The following LSM4 variants were observed in gnomAD, a reference collection of about 807,000 sequenced individuals.
The protein encoded by LSM4 is U6 snRNA-associated Sm-like protein LSm4.
Under a neutral mutation model 22.3 loss-of-function variants are expected in LSM4, and 15 were observed. The observed-to-expected ratio is 0.67, with a 90% CI of 0.45 to 1.03. The LOEUF (loss-of-function observed/expected upper bound fraction) is 1.03. Among genes scored for constraint, LSM4 ranks in the 50% least tolerant of loss-of-function variants. The pLI is 0.00. For synonymous variants in LSM4, 90 were observed against 79.8 expected (o/e 1.13, Z -0.68); for missense variants, 127 against 198.0 (o/e 0.64, Z 2.15).
intron 3 of LSM4, 41 bp downstream of exon 3, chr19:18,312,563 A>G (rs745826916): frequency 6.5e-7 from 1 of 1,540,490 alleles, no homozygotes; most frequent in Non-Finnish European, 9.0e-7. Flanking sequence ...CTGAGTGTGC[A>G]CCCCCTGCAT....
At position 18,323,038 on chromosome 19, in the gene LSM4, G is replaced by A; in HGVS notation, c.-18C>T. On this transcript the variant is annotated 5_prime_UTR_variant, in exon 1 of 5. Coordinates refer to ENST00000593829, the MANE Select transcript of LSM4 (RefSeq NM_012321.5). The stretch of plus-strand genomic sequence containing the variant: ...CTCACCATGGTGCCGGCGGGGACCG[G>A]GCTCGCCGGCCACTTCCGCCGCCGC... 11 of 1,544,280 alleles carry A rather than the reference G, an allele frequency of 7.1e-6. No homozygotes were observed. Among genetic ancestry groups the A allele is most frequent in the African/African-American group, 1.4e-5 (1 of 69,932 alleles).
rs925995727 is a variant in LSM4, at chr19:18,306,271, C to G, written c.*1193G>C. 2.0e-5 allele frequency: 3 copies of G among 152,210 alleles called. No individual in the cohort carries two copies. Among genetic ancestry groups the G allele is most frequent in the African/African-American group, 7.2e-5 (3 of 41,460 alleles). The allele number at this position is 152,210 out of a possible 1,614,324, so 9.4% of individuals were successfully genotyped here. A position where few individuals can be genotyped will look rare whatever the true frequency, so the allele number is the denominator to read the frequency against. On this transcript the variant is annotated 3_prime_UTR_variant, in exon 5 of 5. Coordinates refer to ENST00000593829, the MANE Select transcript of LSM4 (RefSeq NM_012321.5). ...ACGGGACCTTTTATTCCAATCACCT[C>G]TCAAAATAGGTCTCCGAACGAGGAC...
chr19:18,322,688 C>G (rs1006938018), intron 1 of LSM4, among the ~76,000 whole-genome samples: 5 of 152,114 alleles, frequency 3.3e-5, no homozygotes, highest in African/African-American at 1.2e-4. Context: ...GACCCCTTCC[C>G]TGCCCAAAAA....
chr19:18,309,124 C>A (rs1407229481), intron 4 of LSM4, among the ~76,000 whole-genome samples: 1 of 151,782 alleles, frequency 6.6e-6, no homozygotes, highest in Non-Finnish European at 1.5e-5. Flanking sequence ...GCGCCTGGGG[C>A]CTTCCGGGGG....
At chr19:18,311,615 C>T (rs753252030) in intron 3 of LSM4, among the ~76,000 whole-genome samples, 9 of 152,168 alleles carry the variant, frequency 5.9e-5, no homozygotes, top group Admixed American at 1.3e-4. Context: ...GGGAGGCACG[C>T]GGTTCTGCAC....
intron 2 of LSM4, among the ~76,000 whole-genome samples, chr19:18,314,317 G>A (rs1030182226): frequency 7.3e-5 from 11 of 151,578 alleles, no homozygotes; most frequent in South Asian, 4.2e-4. Context: ...TCATGAGATC[G>A]AGACCATCCT....
intron 4 of LSM4, among the ~76,000 whole-genome samples, chr19:18,307,778 C>T (rs1443171846): frequency 1.7e-5 from 1 of 60,418 alleles, no homozygotes; most frequent in East Asian, 4.7e-4. Context: ...ACCCAGCCCC[C>T]AGGGATGCGG....
At chr19:18,316,959 A>T (rs1166977842) in intron 1 of LSM4, among the ~76,000 whole-genome samples, 1 of 152,094 alleles carries the variant, frequency 6.6e-6, no homozygotes, top group African/African-American at 2.4e-5. Context: ...CCTTGCTCTA[A>T]AAATACAAAA....
intron 1 of LSM4, among the ~76,000 whole-genome samples, chr19:18,317,636 C>T (rs1174272641): frequency 6.6e-6 from 1 of 151,938 alleles, no homozygotes; most frequent in Non-Finnish European, 1.5e-5. Flanking sequence ...CGTGAGCCAC[C>T]GCACCCGGCC....
At chr19:18,316,749 G>A (rs986520565) in intron 1 of LSM4, among the ~76,000 whole-genome samples, 2 of 152,028 alleles carry the variant, frequency 1.3e-5, no homozygotes, top group African/African-American at 4.8e-5. Context: ...TTGGAAACCC[G>A]AGGAACTTGC....
chr19:18,314,798 G>A (rs1046903645), intron 2 of LSM4, among the ~76,000 whole-genome samples: 4 of 152,050 alleles, frequency 2.6e-5, no homozygotes, highest in African/African-American at 7.2e-5. Context: ...GAAATGTTCC[G>A]GCCTAGATAA....
chr19:18,311,916 C>CTA (rs963629094), intron 3 of LSM4, among the ~76,000 whole-genome samples: 1 of 152,184 alleles, frequency 6.6e-6, no homozygotes, highest in Non-Finnish European at 1.5e-5. Flanking sequence ...AGTTTCCTCC[C>CTA]TATACCATGG....
chr19:18,316,448 ACAAGCAGCTTGCCTCAGCCTCC>A (rs540830224), intron 1 of LSM4, among the ~76,000 whole-genome samples: 7 of 146,846 alleles, frequency 4.8e-5, no homozygotes, highest in African/African-American at 1.8e-4. Context: ...TTCAAGCCTC[ACAAGCAGCTTGCCTCAGCCTCC>A]CAAGCAGCTG....
At chr19:18,309,375 G>C (rs1178711231) in intron 4 of LSM4, 2 of 416,744 alleles carry the variant, frequency 4.8e-6, no homozygotes, top group Admixed American at 4.3e-5. Flanking sequence ...CAGGTTCCAA[G>C]TGGAGTTGCC....
In LSM4 at chr19:18,307,419, G is replaced by A. The variant is rs149460308; in HGVS notation, c.*45C>T. On this transcript the variant is annotated 3_prime_UTR_variant, in exon 5 of 5. Transcript: ENST00000593829. ...CCGTCCGAGACTGTGGAGCGGAATC[G>A]CCACCCTGGCAGGAGGGGGCGCAGC... The A allele has an allele frequency of 3.0e-5, 44 of 1,442,908 alleles. No individual in the cohort carries two copies. Among genetic ancestry groups the A allele is most frequent in the African/African-American group, 1.0e-4 (7 of 69,490 alleles). The allele number at this position is 1,442,908 out of a possible 1,614,324, so 89.4% of individuals were successfully genotyped here. A position where few individuals can be genotyped will look rare whatever the true frequency, so the allele number is the denominator to read the frequency against.
chr19:18,318,465 C>T (rs1275643340), intron 1 of LSM4, among the ~76,000 whole-genome samples: 1 of 152,242 alleles, frequency 6.6e-6, no homozygotes, highest in Non-Finnish European at 1.5e-5. Flanking sequence ...GGGAGGAGGG[C>T]TGCGGGCGGC....
intron 2 of LSM4, among the ~76,000 whole-genome samples, chr19:18,315,605 G>A (rs1200387459): frequency 6.6e-6 from 1 of 152,070 alleles, no homozygotes; most frequent in Non-Finnish European, 1.5e-5. Flanking sequence ...GCAGTGGTAT[G>A]ATCATAGCTC....
In LSM4 at chr19:18,309,757, C is replaced by T. The variant is rs758754967; in HGVS notation, c.249G>A (p.Val83=). 5 of 1,613,746 alleles carry T rather than the reference C, an allele frequency of 3.1e-6. No homozygotes were observed. The South Asian group carries it at 3.3e-5, about 11-fold the overall frequency. Residue 83 remains valine (V), a synonymous_variant, in exon 4 of 5, where the codon GTG becomes GTA. Transcript: ENST00000593829. ...DEIIDMVKEE[V]VAKGRGRGGL... ...CTCCGCGGCCGCGGCCCTTGGCCAC[C>T]ACCTCCTCCTTGACCATGTCGATGA... is the stretch of plus-strand genomic sequence containing the variant.
At chr19:18,317,261 A>G (rs550156617) in intron 1 of LSM4, among the ~76,000 whole-genome samples, 3 of 150,704 alleles carry the variant, frequency 2.0e-5, no homozygotes, top group Admixed American at 6.6e-5. Flanking sequence ...ACCTCAAATG[A>G]TCTGCTTGCC....
Sources: allele counts gnomAD v4.1 joint callset (sites outside exome capture counted in the v4.1 genomes callset), GRCh38; gene constraint gnomAD v4.1.1; transcripts MANE v1.5; gene names NCBI Gene and HGNC (gene_info 2026-07-23, HGNC 2026-07-21).